Variants in GRM1 observed in about 807,000 individuals in gnomAD.
The protein encoded by GRM1 is glutamate metabotropic receptor 1.
In GRM1, 33 loss-of-function variants were observed where a neutral mutation model predicts 90.9. That is an observed-to-expected ratio of 0.36 (90% confidence interval 0.28 to 0.49). GRM1 has a LOEUF of 0.49. GRM1 is among the 20% of genes least tolerant of loss of function. The probability of loss-of-function intolerance (pLI) is 0.99; values close to 1 mark genes in which losing one functional copy is unlikely to be tolerated. For synonymous variants in GRM1, 700 were observed against 613.2 expected, an observed-to-expected ratio of 1.14 and a Z score of -2.09; for missense variants, 1,190 against 1,534.3, an observed-to-expected ratio of 0.78 and a Z score of 3.75.
At chr6:146,126,135 C>A (rs962198550) in intron 1 of GRM1, among the ~76,000 whole-genome samples, 1 of 151,878 alleles carries the variant, frequency 6.6e-6, no homozygotes, top group Non-Finnish European at 1.5e-5. Flanking sequence ...CAAACGTTGA[C>A]CAAAATTGTG....
intron 2 of GRM1, among the ~76,000 whole-genome samples, chr6:146,221,566 G>A (rs1780062741): frequency 6.6e-6 from 1 of 152,162 alleles, no homozygotes; most frequent in Non-Finnish European, 1.5e-5. Context: ...TGGTGTATAT[G>A]TACCACATTT....
intron 1 of GRM1, among the ~76,000 whole-genome samples, chr6:146,102,582 T>A (rs1777085991): frequency 6.6e-6 from 1 of 152,228 alleles, no homozygotes; most frequent in Non-Finnish European, 1.5e-5. Flanking sequence ...ATTCTGGTCT[T>A]TAGTGACCCA....
chr6:146,358,727 C>A (rs930384406), intron 5 of GRM1, among the ~76,000 whole-genome samples: 5 of 152,170 alleles, frequency 3.3e-5, no homozygotes, highest in African/African-American at 1.2e-4. Context: ...GCTGGACATG[C>A]TTTATCTCAA....
chr6:146,065,648 G>T (rs6930700), intron 1 of GRM1, among the ~76,000 whole-genome samples: 1 of 152,042 alleles, frequency 6.6e-6, no homozygotes, highest in Non-Finnish European at 1.5e-5. Context: ...GTTCAGCCCC[G>T]TAAACAAGGA....
intron 2 of GRM1, among the ~76,000 whole-genome samples, chr6:146,294,583 A>C (rs1187351624): frequency 6.6e-6 from 1 of 152,186 alleles, no homozygotes; most frequent in Non-Finnish European, 1.5e-5. Flanking sequence ...AGCATCAAGC[A>C]TGTTAATTGT....
chr6:146,145,603 G>A (rs1777065650), intron 1 of GRM1, among the ~76,000 whole-genome samples: 1 of 152,216 alleles, frequency 6.6e-6, no homozygotes, highest in Admixed American at 6.5e-5. Context: ...TAGAAAGCAA[G>A]AGCTGTGGTG....
chr6:146,119,256 T>C (rs1196335382), intron 1 of GRM1, among the ~76,000 whole-genome samples: 2 of 152,234 alleles, frequency 1.3e-5, no homozygotes, highest in Non-Finnish European at 2.9e-5. Context: ...GAAGTGTCTG[T>C]TCATATCCTT....
rs187810859 is a variant in GRM1 at position 146,264,350 on chromosome 6, C to T, written c.951-40261C>T. On this transcript the variant is annotated intron_variant, in intron 2 of 7. Transcript: ENST00000282753. ...ACATGATAGAACTTTAACAATATTT[C>T]TATCATAAATTTAATAAAAGGTTTA... is the stretch of plus-strand genomic sequence containing the variant. Among the ~76,000 whole-genome samples the T allele has an allele frequency of 1.8e-3, 275 of 152,014 alleles. 2 individuals carry two copies. Among genetic ancestry groups the T allele is most frequent in the African/African-American group, 6.1e-3 (252 of 41,512 alleles).
At chr6:146,301,954 C>G (rs1330974746) in intron 2 of GRM1, among the ~76,000 whole-genome samples, 1 of 152,008 alleles carries the variant, frequency 6.6e-6, no homozygotes. Context: ...GGGAGGAGAG[C>G]AGAATGACCT....
chr6:146,240,918 C>A (rs567196763), intron 2 of GRM1, among the ~76,000 whole-genome samples: 1 of 152,188 alleles, frequency 6.6e-6, no homozygotes, highest in African/African-American at 2.4e-5. Context: ...CAAAACTTGA[C>A]TACTGAATGT....
chr6:146,434,560 G>C lies in GRM1; in HGVS notation c.3349G>C (p.Gly1117Arg), dbSNP rs1477629839. 1 of 1,614,138 alleles carries C rather than the reference G, an allele frequency of 6.2e-7. No individual in the cohort carries two copies. Among genetic ancestry groups the C allele is most frequent in the Non-Finnish European group, 8.5e-7 (1 of 1,180,030 alleles). ...QEYVYEHEREGNTEEDELEEE... is the reference protein window; with the variant it reads ...QEYVYEHERERNTEEDELEEE... ...GTACGTGTATGAGCACGAGCGGGAA[G>C]GGAACACGGAAGAAGACGAACTGGA... The change falls in exon 8 of 8, where the codon GGG (glycine) becomes CGG (arginine). Residue 1117 changes from glycine (G) to arginine (R), a missense_variant. By Grantham distance (125) the Gly-to-Arg change is moderately radical (BLOSUM62 -2). Around this residue, in one of 10 missense-constraint regions of GRM1, gnomAD observed 400 missense variants for 360.8 expected, o/e 1.11. Transcript: ENST00000282753.
Position 146,304,807 on chromosome 6 carries a change from C to T in GRM1, c.1147C>T (p.His383Tyr), listed in dbSNP as rs1463760058. Residue 383 changes from histidine to tyrosine, a missense_variant, in exon 3 of 8, where the codon CAC becomes TAC. His to Tyr is a moderately conservative substitution (Grantham distance 83, BLOSUM62 2). Coordinates refer to ENST00000282753, the MANE Select transcript of GRM1 (RefSeq NM_001278064.2). ...TCGGTTCCAGTGCCGCCTTCCAGGA[C>T]ACCTTCTGGAAAATCCCAACTTTAA... ...QHRFQCRLPG[H>Y]LLENPNFKRI... 6.2e-7 allele frequency: 1 copy of T among 1,613,682 alleles called. No homozygotes were observed. The highest frequency in any genetic ancestry group is 8.5e-7 in the Non-Finnish European group (1 of 1,179,630).
intron 3 of GRM1, among the ~76,000 whole-genome samples, chr6:146,341,534 A>G (rs1346717762): frequency 6.6e-6 from 1 of 152,226 alleles, no homozygotes; most frequent in Admixed American, 6.5e-5. Flanking sequence ...ACTAGAAACC[A>G]TCAGGGAGAA....
At chr6:146,155,929 C>A (rs1054322332) in intron 1 of GRM1, among the ~76,000 whole-genome samples, 1 of 152,226 alleles carries the variant, frequency 6.6e-6, no homozygotes, top group African/African-American at 2.4e-5. Flanking sequence ...TAACAGATTA[C>A]TCTGGTTGCT....
intron 2 of GRM1, among the ~76,000 whole-genome samples, chr6:146,263,902 C>G (rs1387144182): frequency 6.6e-6 from 1 of 152,054 alleles, no homozygotes; most frequent in Non-Finnish European, 1.5e-5. Context: ...TGAGAGAATG[C>G]GTGCTAGTCT....
At position 146,434,254 on chromosome 6, in the gene GRM1, C is replaced by T. The variant is rs145345975; in HGVS notation, c.3043C>T (p.Pro1015Ser). The change falls in exon 8 of 8, where the codon CCT becomes TCT. Residue 1015 changes from proline to serine, a missense_variant. Around this residue, in one of 10 missense-constraint regions of GRM1, gnomAD observed 400 missense variants for 360.8 expected, o/e 1.11. Transcript: ENST00000282753. ...ACCAGCCCTCCCCAAGGGCTTGCCC[C>T]CTCCTCTCCAGCAGCAGCAGCAACC... Reference protein sequence around the residue: ...AEPALPKGLPPPLQQQQQPPP... With the variant: ...AEPALPKGLPSPLQQQQQPPP... 1.4e-4 allele frequency: 225 copies of T among 1,600,690 alleles called. 1 individual carries two copies. In the African/African-American group the frequency reaches 2.5e-3, roughly 18 times the overall value.
intron 7 of GRM1, among the ~76,000 whole-genome samples, chr6:146,410,947 G>A (rs1777544173): frequency 6.6e-6 from 1 of 152,162 alleles, no homozygotes; most frequent in South Asian, 2.1e-4. Flanking sequence ...TTGGTTTCAA[G>A]GGCTGAAACA....
At chr6:146,297,223 C>T (rs1050670802) in intron 2 of GRM1, among the ~76,000 whole-genome samples, 22 of 151,400 alleles carry the variant, frequency 1.5e-4, no homozygotes, top group Admixed American at 4.6e-4. Flanking sequence ...TACAGTGGCG[C>T]GATCTCAGCT....
At chr6:146,294,320 G>T (rs960714885) in intron 2 of GRM1, among the ~76,000 whole-genome samples, 4 of 151,712 alleles carry the variant, frequency 2.6e-5, no homozygotes, top group African/African-American at 7.3e-5. Context: ...TTTCATTTAT[G>T]ACTTCTTTAA....
Sources: allele counts gnomAD v4.1 joint callset (sites outside exome capture counted in the v4.1 genomes callset), GRCh38; gene constraint gnomAD v4.1.1; regional missense constraint gnomAD v4.1.1; transcripts MANE v1.5; gene names NCBI Gene and HGNC (gene_info 2026-07-23, HGNC 2026-07-21).